The following SLC22A25 variants were observed in gnomAD, a reference collection of about 807,000 sequenced individuals.
SLC22A25 encodes solute carrier family 22 member 25.
SLC22A25 carries 44 observed loss-of-function variants against 45.9 expected under a neutral mutation model. The ratio of observed to expected loss-of-function variants is 0.96; its 90% CI spans 0.75 to 1.23. The LOEUF (loss-of-function observed/expected upper bound fraction) is 1.23, where lower values mean the gene tolerates loss of function less well. SLC22A25 is among the 50% of genes most tolerant of loss of function. The pLI, the probability that SLC22A25 is intolerant of heterozygous loss-of-function variation, is 0.00. For missense variants in SLC22A25, 800 were observed against 666.4 expected, an observed-to-expected ratio of 1.20 and a Z score of -2.21; for synonymous variants, 283 against 238.6, an observed-to-expected ratio of 1.19 and a Z score of -1.72.
intron 5 of SLC22A25, among the ~76,000 whole-genome samples, chr11:63,226,398 G>A (rs1419215498): frequency 6.6e-6 from 1 of 152,200 alleles, no homozygotes; most frequent in East Asian, 1.9e-4. Context: ...TGTAGTTCTT[G>A]CAGACTGCCT....
chr11:63,213,545 C>T (rs1055432975), intron 7 of SLC22A25, among the ~76,000 whole-genome samples: 13 of 152,166 alleles, frequency 8.5e-5, no homozygotes, highest in Admixed American at 2.6e-4. Flanking sequence ...GGGTGCCACA[C>T]GCTGTAGTCA....
In SLC22A25 at chr11:63,226,926, C is replaced by T. The variant is rs545732451; in HGVS notation, c.506+1535G>A. ...AGGAATCTGTCTGTGTGTCCAATACCGCCACAGGCCCATGTGGAATACTTC... is the reference window on the plus strand; with the variant it reads ...AGGAATCTGTCTGTGTGTCCAATACTGCCACAGGCCCATGTGGAATACTTC... On this transcript the variant is annotated intron_variant, in intron 5 of 11. Coordinates refer to ENST00000306494, the MANE Select transcript of SLC22A25 (RefSeq NM_199352.6). 6.7e-4 allele frequency among the ~76,000 whole-genome samples: 102 copies of T among 152,282 alleles called. 2 individuals carry two copies. In the South Asian group the frequency reaches 0.018, roughly 27 times the overall value.
chr11:63,197,165 A>T lies in SLC22A25; in HGVS notation c.831-13348T>A, dbSNP rs146510669. 3.0e-3 allele frequency among the ~76,000 whole-genome samples: 457 copies of T among 152,348 alleles called. 2 individuals carry two copies. The highest frequency in any genetic ancestry group is 0.01 in the African/African-American group (436 of 41,586). On this transcript the variant is annotated intron_variant, in intron 7 of 11. Transcript: ENST00000306494. ...TGGATAGGAAGAATCAGTATCGTGA[A>T]GATGGCCATACTGCCCAAGGTAATT...
chr11:63,169,637 A>G (rs1202643093), intron 9 of SLC22A25, among the ~76,000 whole-genome samples: 1 of 152,110 alleles, frequency 6.6e-6, no homozygotes, highest in Non-Finnish European at 1.5e-5. Flanking sequence ...ATATACACAC[A>G]CAACACAGGA....
At chr11:63,237,483 G>T (rs913114175) in intron 3 of SLC22A25, among the ~76,000 whole-genome samples, 1 of 152,110 alleles carries the variant, frequency 6.6e-6, no homozygotes, top group African/African-American at 2.4e-5. Flanking sequence ...AGATGATACA[G>T]CACAAAGTTA....
At chr11:63,169,056 A>T (rs996532266) in intron 9 of SLC22A25, among the ~76,000 whole-genome samples, 2 of 152,224 alleles carry the variant, frequency 1.3e-5, no homozygotes, top group Admixed American at 1.3e-4. Flanking sequence ...AGAATTTCAT[A>T]TACAGCCAAA....
At chr11:63,196,987 A>G (rs971895236) in intron 7 of SLC22A25, among the ~76,000 whole-genome samples, 1 of 152,202 alleles carries the variant, frequency 6.6e-6, no homozygotes, top group Non-Finnish European at 1.5e-5. Context: ...CCAAACCATG[A>G]GTGAACTCCC....
At chr11:63,166,478 A>T in intron 9 of SLC22A25, 1 of 1,382,052 alleles carries the variant, frequency 7.2e-7, no homozygotes, top group Non-Finnish European at 9.3e-7. Context: ...CAGATGTTGT[A>T]TGGAGGATGT....
intron 5 of SLC22A25, chr11:63,218,015 T>C: frequency 1.7e-6 from 1 of 588,184 alleles, no homozygotes; most frequent in Non-Finnish European, 3.2e-6. Flanking sequence ...GATGTTGAAA[T>C]GTTAACACAC....
intron 7 of SLC22A25, among the ~76,000 whole-genome samples, chr11:63,216,044 T>G (rs1590884697): frequency 6.6e-6 from 1 of 152,180 alleles, no homozygotes; most frequent in African/African-American, 2.4e-5. Flanking sequence ...ATGTTTTTGT[T>G]ATTGTTGATA....
Position 63,166,029 on chromosome 11 carries a change from G to C in SLC22A25, c.1285+15C>G. 6.2e-7 allele frequency: 1 copy of C among 1,612,092 alleles called. No homozygotes were observed. The highest frequency in any genetic ancestry group is 8.5e-7 in the Non-Finnish European group (1 of 1,178,376). ...GAAAGACATTTTCTTTCTTCCACCT[G>C]TGAACTTTTCTCACCTTGAGGCACA... On this transcript the variant is annotated intron_variant, in intron 10 of 11. Transcript: ENST00000306494.
chr11:63,212,294 T>C (rs1399281131), intron 7 of SLC22A25, among the ~76,000 whole-genome samples: 1 of 152,054 alleles, frequency 6.6e-6, no homozygotes, highest in Non-Finnish European at 1.5e-5. Flanking sequence ...AAATACCATT[T>C]GACCCAGCCA....
chr11:63,216,377 T>C (rs949028500), intron 7 of SLC22A25, among the ~76,000 whole-genome samples: 11 of 152,194 alleles, frequency 7.2e-5, no homozygotes, highest in Admixed American at 2.0e-4. Context: ...ACTGGGTATA[T>C]ACCCAAAGGA....
Position 63,180,756 on chromosome 11 carries a change from T to C in SLC22A25, c.974A>G (p.Lys325Arg). Residue 325 changes from lysine (K) to arginine (R), a missense_variant, in exon 9 of 12, where the codon AAG (lysine) becomes AGG (arginine). By Grantham distance (26) the Lys-to-Arg change is conservative. Transcript: ENST00000306494. ...TTTCTGTGCTGCCTCCAGTTCTTGC[T>C]TCATGGTGGATTTCAAAACCTTCAA... ...LTMEVLKSTM[K>R]QELEAAQKKH... 1 of 1,612,948 alleles carries C rather than the reference T, an allele frequency of 6.2e-7. No individual in the cohort carries two copies. The highest frequency in any genetic ancestry group is 8.5e-7 in the Non-Finnish European group (1 of 1,179,420).
intron 5 of SLC22A25, among the ~76,000 whole-genome samples, chr11:63,225,966 A>G (rs56014813): frequency 0.025 from 3,881 of 152,268 alleles, 68 homozygotes; most frequent in Middle Eastern, 0.051. Context: ...CTTCAACTCC[A>G]GAATTTCTGC....
chr11:63,161,176 A>G lies in SLC22A25; in HGVS notation c.*2648T>C, dbSNP rs1348310804. ...CAGCCTCATCCTTTTGTTTTGGTCAATTTCTCCCATTTGGAATGGATGTAT... is the reference window on the plus strand; with the variant it reads ...CAGCCTCATCCTTTTGTTTTGGTCAGTTTCTCCCATTTGGAATGGATGTAT... On this transcript the variant is annotated 3_prime_UTR_variant, in exon 12 of 12. Coordinates refer to ENST00000306494, the MANE Select transcript of SLC22A25 (RefSeq NM_199352.6). Among the ~76,000 whole-genome samples the G allele has an allele frequency of 1.3e-5, 2 of 152,040 alleles. No individual in the cohort carries two copies. Among genetic ancestry groups the G allele is most frequent in the African/African-American group, 4.8e-5 (2 of 41,402 alleles).
intron 7 of SLC22A25, among the ~76,000 whole-genome samples, chr11:63,198,050 C>T (rs544292728): frequency 2.0e-5 from 3 of 152,192 alleles, no homozygotes; most frequent in East Asian, 3.9e-4. Flanking sequence ...GTTAGAAAGG[C>T]GATCATTAAA....
chr11:63,209,057 A>C (rs1184807762), intron 7 of SLC22A25, among the ~76,000 whole-genome samples: 1 of 152,180 alleles, frequency 6.6e-6, no homozygotes, highest in Admixed American at 6.5e-5. Context: ...ACGTATTGTG[A>C]GATAGATTGG....
intron 7 of SLC22A25, among the ~76,000 whole-genome samples, chr11:63,191,382 T>C (rs534426615): frequency 5.9e-5 from 9 of 152,340 alleles, no homozygotes; most frequent in African/African-American, 1.9e-4. Context: ...TGCCGTTTGC[T>C]AAGACCATTG....
Sources: allele counts gnomAD v4.1 joint callset (sites outside exome capture counted in the v4.1 genomes callset), GRCh38; gene constraint gnomAD v4.1.1; transcripts MANE v1.5; gene names NCBI Gene and HGNC (gene_info 2026-07-23, HGNC 2026-07-21).